The following B4GALT5 variants were observed in gnomAD, a reference collection of about 807,000 sequenced individuals.
The protein encoded by B4GALT5 is beta-1,4-galactosyltransferase 5.
B4GALT5 carries 11 observed loss-of-function variants against 45.0 expected under a neutral mutation model. The ratio of observed to expected loss-of-function variants is 0.24; its 90% confidence interval spans 0.15 to 0.40. The LOEUF (loss-of-function observed/expected upper bound fraction) is 0.40, where lower values mean the gene tolerates loss of function less well. B4GALT5 is among the 10% of genes least tolerant of loss of function. The pLI is 1.00. For synonymous variants in B4GALT5, 185 were observed against 182.9 expected (o/e 1.01, Z -0.09); for missense variants, 337 against 500.2 (o/e 0.67, Z 3.11).
intron 1 of B4GALT5, among the ~76,000 whole-genome samples, chr20:49,694,670 G>A (rs545266976): frequency 9.7e-3 from 436 of 45,046 alleles, no homozygotes; most frequent in Middle Eastern, 0.021. Flanking sequence ...GAAAGGGAAA[G>A]GGAAAGGGAA....
chr20:49,702,334 G>A (rs1422301846), intron 1 of B4GALT5, among the ~76,000 whole-genome samples: 1 of 152,106 alleles, frequency 6.6e-6, no homozygotes, highest in African/African-American at 2.4e-5. Context: ...AGACCTTCAT[G>A]GGCAGAAAAA....
chr20:49,636,563 G>A, intron 8 of B4GALT5, 104 bp from the exon 9 acceptor site: 1 of 1,325,086 alleles, frequency 7.5e-7, no homozygotes, highest in South Asian at 1.4e-5. Context: ...CGCAACCCAT[G>A]GCAGCACTTC....
chr20:49,689,489 T>C (rs1438535724), intron 1 of B4GALT5, among the ~76,000 whole-genome samples: 1 of 152,222 alleles, frequency 6.6e-6, no homozygotes, highest in Non-Finnish European at 1.5e-5. Context: ...TAAACCGTTT[T>C]ATTATGAAAA....
At chr20:49,660,067 T>C (rs1207768811) in intron 1 of B4GALT5, among the ~76,000 whole-genome samples, 1 of 152,184 alleles carries the variant, frequency 6.6e-6, no homozygotes, top group Non-Finnish European at 1.5e-5. Context: ...GCCCCTTCTA[T>C]GTGTGCCCCT....
chr20:49,693,676 C>T (rs543518933), intron 1 of B4GALT5, among the ~76,000 whole-genome samples: 2 of 152,312 alleles, frequency 1.3e-5, no homozygotes, highest in East Asian at 1.9e-4. Flanking sequence ...AGCTTACTTT[C>T]GCCACCACTT....
chr20:49,686,246 A>G (rs539794137), intron 1 of B4GALT5, among the ~76,000 whole-genome samples: 1 of 152,108 alleles, frequency 6.6e-6, no homozygotes, highest in African/African-American at 2.4e-5. Flanking sequence ...TGATCTCTTT[A>G]TGTCTTTCCT....
chr20:49,676,879 T>A (rs538130483), intron 1 of B4GALT5, among the ~76,000 whole-genome samples: 1 of 152,372 alleles, frequency 6.6e-6, no homozygotes, highest in Admixed American at 6.5e-5. Context: ...TGTTTTTTGA[T>A]GAGTCATCAA....
rs375875768 is a variant in B4GALT5 at position 49,702,119 on chromosome 20, G to A, written c.115+11457C>T. On this transcript the variant is annotated intron_variant, in intron 1 of 8. Coordinates refer to ENST00000371711, the MANE Select transcript of B4GALT5 (RefSeq NM_004776.4). ...ACAAAATGTGCTTTTCCCTATCTTC[G>A]AAATCATCATGTCTTTTCATTCCTG... Among the ~76,000 whole-genome samples the A allele has an allele frequency of 1.5e-3, 223 of 152,206 alleles. 2 individuals are homozygous for A. Among genetic ancestry groups the A allele is most frequent in the African/African-American group, 1.6e-3 (67 of 41,532 alleles).
At chr20:49,667,313 G>A (rs1323814049) in intron 1 of B4GALT5, among the ~76,000 whole-genome samples, 3 of 151,200 alleles carry the variant, frequency 2.0e-5, no homozygotes, top group East Asian at 3.9e-4. Flanking sequence ...GCAGTGGCGC[G>A]ATCTCAGCTC....
chr20:49,667,416 TA>T (rs1367029970), intron 1 of B4GALT5, among the ~76,000 whole-genome samples: 1 of 151,774 alleles, frequency 6.6e-6, no homozygotes, highest in African/African-American at 2.4e-5. Flanking sequence ...CTCGCCCGGC[TA>T]ATTTTTTTTG....
At chr20:49,642,627 G>C in intron 4 of B4GALT5, 43 bp from the exon 5 acceptor site, 1 of 1,397,116 alleles carries the variant, frequency 7.2e-7, no homozygotes, top group Non-Finnish European at 1.0e-6. Context: ...AGGACTCTCA[G>C]CTTTCACTCC....
chr20:49,712,155 A>C (rs1169869953), intron 1 of B4GALT5, among the ~76,000 whole-genome samples: 1 of 152,198 alleles, frequency 6.6e-6, no homozygotes, highest in East Asian at 1.9e-4. Context: ...TGGAAGTTAC[A>C]TGTAATAGCT....
intron 1 of B4GALT5, among the ~76,000 whole-genome samples, chr20:49,677,505 T>A (rs1189416231): frequency 6.6e-6 from 1 of 152,222 alleles, no homozygotes; most frequent in African/African-American, 2.4e-5. Flanking sequence ...CAAACATTTG[T>A]TGGTAATTAT....
chr20:49,667,336 G>GC (rs1351718490), intron 1 of B4GALT5, among the ~76,000 whole-genome samples: 2 of 146,874 alleles, frequency 1.4e-5, no homozygotes, highest in Admixed American at 6.8e-5. Flanking sequence ...TGCAGGCTGC[G>GC]CCCCCCAGGG....
rs1277348480 is a variant in B4GALT5, at chr20:49,633,102, CT to C, written c.*3209del. On this transcript the variant is annotated 3_prime_UTR_variant, in exon 9 of 9. Coordinates refer to ENST00000371711, the MANE Select transcript of B4GALT5 (RefSeq NM_004776.4). ...TAGATTTCAGTGCAAAAATGTACCCCTGGCACCTCTTAAAACGTAAGAGCAA... is the reference window on the plus strand; with the variant it reads ...TAGATTTCAGTGCAAAAATGTACCCCGGCACCTCTTAAAACGTAAGAGCAA... The C allele has an allele frequency of 6.6e-6, 1 of 152,594 alleles. No individual in the cohort carries two copies. Among genetic ancestry groups the C allele is most frequent in the Admixed American group, 6.5e-5 (1 of 15,276 alleles). The allele number at this position is 152,594 out of a possible 1,614,324, so 9.5% of individuals were successfully genotyped here. A position where few individuals can be genotyped will look rare whatever the true frequency, so the allele number is the denominator to read the frequency against.
intron 1 of B4GALT5, among the ~76,000 whole-genome samples, chr20:49,667,250 G>GTGT (rs67984513): frequency 6.9e-6 from 1 of 144,840 alleles, no homozygotes; most frequent in African/African-American, 2.6e-5. Context: ...TTTTTGGCTT[G>GTGT]TGTTGTTGTT....
At chr20:49,680,298 G>A (rs1223115120) in intron 1 of B4GALT5, among the ~76,000 whole-genome samples, 1 of 152,130 alleles carries the variant, frequency 6.6e-6, no homozygotes, top group Non-Finnish European at 1.5e-5. Flanking sequence ...GAGCTATGGA[G>A]ACCCTTCTGC....
At chr20:49,704,446 G>A (rs188248699) in intron 1 of B4GALT5, among the ~76,000 whole-genome samples, 4 of 152,208 alleles carry the variant, frequency 2.6e-5, no homozygotes, top group Admixed American at 1.3e-4. Flanking sequence ...GCGGCCGGGC[G>A]CGGTGGCTCA....
At chr20:49,692,072 C>T (rs2085815279) in intron 1 of B4GALT5, among the ~76,000 whole-genome samples, 2 of 152,084 alleles carry the variant, frequency 1.3e-5, no homozygotes. Flanking sequence ...GTAAAGAGGC[C>T]TCAGACAGTA....
Sources: gnomAD v4.1 joint callset for allele counts (sites outside exome capture counted in the v4.1 genomes callset) on GRCh38, gnomAD v4.1.1 for gene constraint, MANE v1.5 for transcripts, NCBI Gene and HGNC (gene_info 2026-07-23, HGNC 2026-07-21) for gene names.